S100A10: variants seen among roughly 807,000 people sequenced by gnomAD.
The protein encoded by S100A10 is S100 calcium binding protein A10.
A neutral mutation model predicts 7.1 loss-of-function variants in S100A10; 3 were observed. That is an observed-to-expected ratio of 0.42 (90% CI 0.19 to 1.10). The LOEUF (loss-of-function observed/expected upper bound fraction) is 1.10, where lower values mean the gene tolerates loss of function less well. Ranked by LOEUF, S100A10 falls within the 50% of genes least tolerant of loss-of-function variation. The pLI is 0.29. For synonymous variants in S100A10, 41 were observed against 39.3 expected, an observed-to-expected ratio of 1.04 and a Z score of -0.16; for missense variants, 101 against 118.1, an observed-to-expected ratio of 0.86 and a Z score of 0.67.
rs977553119 is a variant in S100A10, at chr1:151,993,313, C to T, written c.-22+439G>A. Among the ~76,000 whole-genome samples the T allele has an allele frequency of 3.6e-4, 55 of 152,294 alleles. No individual in the cohort carries two copies. The highest frequency in any genetic ancestry group is 1.3e-3 in the African/African-American group (54 of 41,564). ...CTTGGGCGGTACAGCCGGGAGCAGG[C>T]TACGAACATGCAGACCCGGCCTGCG... On this transcript the variant is annotated intron_variant, in intron 1 of 2. Coordinates refer to ENST00000368811, the MANE Select transcript of S100A10 (RefSeq NM_002966.3). The surrounding 1 kb of genome is among the most constrained non-coding windows in gnomAD (Gnocchi z 5.1).
intron 1 of S100A10, among the ~76,000 whole-genome samples, chr1:151,987,027 CTTTTTTTTTTTTTT>C (rs386368314): frequency 1.2e-5 from 1 of 83,526 alleles, no homozygotes; most frequent in Non-Finnish European, 2.1e-5. Context: ...CAGTGTTCCT[CTTTTTTTTTTTTTT>C]TTTTTTTTTT....
intron 1 of S100A10, among the ~76,000 whole-genome samples, chr1:151,990,666 T>C (rs1655886266): frequency 6.6e-6 from 1 of 152,218 alleles, no homozygotes; most frequent in South Asian, 2.1e-4. Context: ...GTGTTAGGCA[T>C]GAGGGTGTTC....
intron 1 of S100A10, among the ~76,000 whole-genome samples, chr1:151,990,695 G>GCA (rs1655887094): frequency 6.6e-6 from 1 of 152,178 alleles, no homozygotes; most frequent in African/African-American, 2.4e-5. Flanking sequence ...ATACACACAT[G>GCA]CACACACACA....
At position 151,983,005 on chromosome 1, in the gene S100A10, T is replaced by C; in HGVS notation, c.*158A>G. On this transcript the variant is annotated 3_prime_UTR_variant, in exon 3 of 3. Transcript: ENST00000368811. ...GCTTATCTGGTATTTAACTTTTCTT[T>C]CTCTGCTTGTCAAATGAGAGTTAGA... 2.0e-6 allele frequency: 1 copy of C among 494,020 alleles called. No individual in the cohort carries two copies. The highest frequency in any genetic ancestry group is 3.5e-6 in the Non-Finnish European group (1 of 287,480). The allele number at this position is 494,020 out of a possible 1,614,324, so 30.6% of individuals were successfully genotyped here.
At chr1:151,986,032 A>T in intron 2 of S100A10, 67 bp downstream of exon 2, 4 of 1,413,952 alleles carry the variant, frequency 2.8e-6, no homozygotes, top group Non-Finnish European at 3.8e-6. Flanking sequence ...AACAAGAAGG[A>T]AAAGGAACCA....
chr1:151,987,027 CTTTTTTTTTT>C (rs386368314), intron 1 of S100A10, among the ~76,000 whole-genome samples: 1,169 of 83,556 alleles, frequency 0.014, 27 homozygotes, highest in African/African-American at 0.053. Context: ...CAGTGTTCCT[CTTTTTTTTTT>C]TTTTTTTTTT....
At position 151,985,155 on chromosome 1, in the gene S100A10, A is replaced by G. The variant is rs768778422; in HGVS notation, c.132+944T>C. ...GTCAGATGACAAGAGGCAGGACCCA[A>G]CGTTTTACCGTATCTCCTCTCACCC... is the stretch of plus-strand genomic sequence containing the variant. On this transcript the variant is annotated intron_variant, in intron 2 of 2. Coordinates refer to ENST00000368811, the MANE Select transcript of S100A10 (RefSeq NM_002966.3). 2.0e-5 allele frequency: 3 copies of G among 152,776 alleles called. No homozygotes were observed. In the Admixed American group the frequency reaches 2.0e-4, roughly 10 times the overall value. The allele number at this position is 152,776 out of a possible 1,614,324, so 9.5% of individuals were successfully genotyped here. A position where few individuals can be genotyped will look rare whatever the true frequency, so the allele number is the denominator to read the frequency against.
chr1:151,987,790 A>C (rs1655826092), intron 1 of S100A10, among the ~76,000 whole-genome samples: 1 of 152,058 alleles, frequency 6.6e-6, no homozygotes, highest in African/African-American at 2.4e-5. Flanking sequence ...GGCCTCCCAA[A>C]GTGCTGGGAT....
At chr1:151,989,003 C>G (rs903309765) in intron 1 of S100A10, among the ~76,000 whole-genome samples, 15 of 152,100 alleles carry the variant, frequency 9.9e-5, no homozygotes, top group African/African-American at 1.5e-4. Flanking sequence ...GAAATTGGAA[C>G]TGGGTGGGGT....
intron 2 of S100A10, chr1:151,985,095 A>T (rs1418738748): frequency 6.5e-6 from 1 of 152,956 alleles, no homozygotes; most frequent in Non-Finnish European, 1.5e-5. Context: ...TATTGATTGC[A>T]GGAGTCAGGG....
rs1225813957 is a variant in S100A10 at position 151,993,140 on chromosome 1, G to C, written c.-22+612C>G. On this transcript the variant is annotated intron_variant, in intron 1 of 2. Transcript: ENST00000368811. The surrounding 1 kb of genome is among the most constrained non-coding windows in gnomAD (Gnocchi z 5.1). ...AACCCCAGCCAAACTGCTGTAGAAA[G>C]AAAACAAGTGGACCTCCCTCCCTCA... 1.3e-5 allele frequency among the ~76,000 whole-genome samples: 2 copies of C among 152,192 alleles called. No homozygotes were observed. The highest frequency in any genetic ancestry group is 1.5e-5 in the Non-Finnish European group (1 of 68,028).
At chr1:151,986,358 G>A in intron 1 of S100A10, 107 bp from the exon 2 acceptor site, 1 of 801,266 alleles carries the variant, frequency 1.2e-6, no homozygotes, top group Non-Finnish European at 2.0e-6. Flanking sequence ...TGTATTTAAT[G>A]TGTACAACAT....
At chr1:151,983,415 A>G (rs1655736658) in intron 2 of S100A10, 91 bp from the exon 3 acceptor site, 1 of 695,136 alleles carries the variant, frequency 1.4e-6, no homozygotes, top group Non-Finnish European at 2.1e-6. Flanking sequence ...CTGTGTATAT[A>G]TCTCCCAATT....
At position 151,983,226 on chromosome 1, in the gene S100A10, C is replaced by T. The variant is rs765145708; in HGVS notation, c.231G>A (p.Ala77=). The T allele has an allele frequency of 8.1e-6, 13 of 1,605,416 alleles. No homozygotes were observed. The highest frequency in any genetic ancestry group is 2.3e-5 in the East Asian group (1 of 44,406). ...AGTCATTGCATGCAATGGTGAGGCC[C>T]GCAATTAGGGAAAAGAAGCTCTGGA... ...VGFQSFFSLI[A]GLTIACNDYF... Residue 77 remains alanine, a synonymous_variant, in exon 3 of 3, where the codon GCG becomes GCA. Coordinates refer to ENST00000368811, the MANE Select transcript of S100A10 (RefSeq NM_002966.3).
chr1:151,986,086 T>G lies in S100A10; in HGVS notation c.132+13A>C. ...TTTTATGTCTGGTTCTTTGTAAGCT[T>G]TTCAACACTTACTTCCAAAAATCCA... On this transcript the variant is annotated intron_variant, in intron 2 of 2. Coordinates refer to ENST00000368811, the MANE Select transcript of S100A10 (RefSeq NM_002966.3). 6.3e-7 allele frequency: 1 copy of G among 1,581,868 alleles called. No homozygotes were observed. The highest frequency in any genetic ancestry group is 8.6e-7 in the Non-Finnish European group (1 of 1,169,472).
At chr1:151,989,645 C>T (rs1655864289) in intron 1 of S100A10, among the ~76,000 whole-genome samples, 1 of 152,246 alleles carries the variant, frequency 6.6e-6, no homozygotes, top group South Asian at 2.1e-4. Flanking sequence ...AATCATGTAA[C>T]TCTTGTCTGA....
chr1:151,992,751 G>A (rs1409717799), intron 1 of S100A10, among the ~76,000 whole-genome samples: 3 of 152,196 alleles, frequency 2.0e-5, no homozygotes, highest in Non-Finnish European at 4.4e-5. Context: ...AACGGGGTGG[G>A]CTTAATGCAT....
At position 151,987,538 on chromosome 1, in the gene S100A10, C is replaced by CTTTT. The variant is rs11383937; in HGVS notation, c.-21-1291_-21-1288dup. 1.5e-3 allele frequency among the ~76,000 whole-genome samples: 173 copies of CTTTT among 116,312 alleles called. 6 individuals are homozygous for CTTTT. The East Asian group carries it at 0.024, about 16-fold the overall frequency. The allele number at this position is 116,312 out of a possible 152,430, so 76.3% of individuals were successfully genotyped here. A position where few individuals can be genotyped will look rare whatever the true frequency, so the allele number is the denominator to read the frequency against. ...TTTATCTGCTGGGTATATATGTATT[C>CTTTT]TTTTTTTTTTTTTTTTTTTGAGACG... On this transcript the variant is annotated intron_variant, in intron 1 of 2. Coordinates refer to ENST00000368811, the MANE Select transcript of S100A10 (RefSeq NM_002966.3).
Position 151,986,340 on chromosome 1 carries a change from A to G in S100A10, c.-21-89T>C, listed in dbSNP as rs1655791464. The stretch of plus-strand genomic sequence containing the variant: ...TTTATTTTTTTTAAATTGAAAGATA[A>G]AATTGTATGTATTTAATGTGTACAA... On this transcript the variant is annotated intron_variant, in intron 1 of 2. Coordinates refer to ENST00000368811, the MANE Select transcript of S100A10 (RefSeq NM_002966.3). The G allele has an allele frequency of 3.2e-6, 3 of 926,274 alleles. No homozygotes were observed. The African/African-American group carries it at 5.1e-5, about 16-fold the overall frequency. 57.4% of individuals were successfully genotyped at this position (926,274 alleles called of 1,614,324 possible).
Sources: allele counts gnomAD v4.1 joint callset (sites outside exome capture counted in the v4.1 genomes callset), GRCh38; gene constraint gnomAD v4.1.1; non-coding constraint Gnocchi (gnomAD v3.1); transcripts MANE v1.5; gene names NCBI Gene and HGNC (gene_info 2026-07-23, HGNC 2026-07-21).